The following EI24 variants were observed in gnomAD, a reference collection of about 807,000 sequenced individuals.
The protein encoded by EI24 is etoposide-induced protein 2.4 homolog.
In EI24, 21 loss-of-function variants were observed where a neutral mutation model predicts 48.6. The observed-to-expected ratio is 0.43, with a 90% CI of 0.31 to 0.62. The LOEUF is 0.62. Ranked by LOEUF, EI24 falls within the 20% of genes least tolerant of loss-of-function variation. EI24 has a pLI of 0.10. For synonymous variants in EI24, 114 were observed against 145.5 expected (o/e 0.78, Z 1.56); for missense variants, 280 against 410.5 (o/e 0.68, Z 2.75).
chr11:125,573,991 C>T (rs899525284), intron 2 of EI24, among the ~76,000 whole-genome samples: 1 of 152,030 alleles, frequency 6.6e-6, no homozygotes, highest in Non-Finnish European at 1.5e-5. Context: ...AGCATATGAT[C>T]TACTTTTAAC....
intron 1 of EI24, among the ~76,000 whole-genome samples, chr11:125,571,878 A>G (rs1301284978): frequency 6.6e-6 from 1 of 152,214 alleles, no homozygotes; most frequent in Non-Finnish European, 1.5e-5. Flanking sequence ...CTCTGTCTCA[A>G]AAAATAAAAT....
rs540569490 is a variant in EI24 at position 125,582,190 on chromosome 11, C to A, written c.786-156C>A. ...TCCAGCCTGGGCGACAAGAACGCGA[C>A]TCCATCTCAAAAAAAAAAATGTTTG... is the stretch of plus-strand genomic sequence containing the variant. On this transcript the variant is annotated intron_variant, in intron 9 of 10. Transcript: ENST00000278903. Among the ~76,000 whole-genome samples the A allele has an allele frequency of 2.6e-5, 4 of 151,494 alleles. No individual in the cohort carries two copies. The South Asian group carries it at 8.3e-4, about 31-fold the overall frequency.
At chr11:125,571,083 C>T (rs1425306137) in intron 1 of EI24, among the ~76,000 whole-genome samples, 3 of 152,202 alleles carry the variant, frequency 2.0e-5, no homozygotes, top group Non-Finnish European at 4.4e-5. Flanking sequence ...TTCCTACTGC[C>T]ATATCCCCTG....
Position 125,575,845 on chromosome 11 carries a change from G to A in EI24, c.189-410G>A, listed in dbSNP as rs545671683. On this transcript the variant is annotated intron_variant, in intron 3 of 10. Transcript: ENST00000278903. ...CACCAAGCTGTCACCTGAGATTGCCGTGGTGCAATCTCAGCTTACTGCAGC... is the reference window on the plus strand; with the variant it reads ...CACCAAGCTGTCACCTGAGATTGCCATGGTGCAATCTCAGCTTACTGCAGC... 19 of 364,618 alleles carry A rather than the reference G, an allele frequency of 5.2e-5. No individual in the cohort carries two copies. In the East Asian group the frequency reaches 9.3e-4, roughly 18 times the overall value. The allele number at this position is 364,618 out of a possible 1,614,324, so 22.6% of individuals were successfully genotyped here.
rs772631713 is a variant in EI24 at position 125,577,486 on chromosome 11, G to T, written c.250-18G>T. 9.3e-6 allele frequency: 15 copies of T among 1,607,882 alleles called. No homozygotes were observed. The highest frequency in any genetic ancestry group is 1.2e-5 in the Non-Finnish European group (14 of 1,177,508). The stretch of plus-strand genomic sequence containing the variant: ...AAGACTGGATTTTGATGTTTGCCTT[G>T]TTGCTTCTTTTCTTTAGTTCAGTCT... On this transcript the variant is annotated intron_variant, in intron 4 of 10. Coordinates refer to ENST00000278903, the MANE Select transcript of EI24 (RefSeq NM_004879.5).
At chr11:125,582,128 G>A (rs1939032588) in intron 9 of EI24, among the ~76,000 whole-genome samples, 1 of 151,924 alleles carries the variant, frequency 6.6e-6, no homozygotes, top group African/African-American at 2.4e-5. Context: ...AACACAGGAG[G>A]CGGAGGTTGC....
At chr11:125,572,017 C>T (rs1003116651) in intron 1 of EI24, among the ~76,000 whole-genome samples, 56 of 152,226 alleles carry the variant, frequency 3.7e-4, no homozygotes, top group African/African-American at 1.2e-3. Context: ...TTTTATCTTG[C>T]TCTTGTATTT....
At position 125,569,560 on chromosome 11, in the gene EI24, C is replaced by T. The variant is rs930136925; in HGVS notation, c.-84C>T. The T allele has an allele frequency of 2.7e-6, 1 of 371,498 alleles. No homozygotes were observed. The highest frequency in any genetic ancestry group is 4.8e-6 in the Non-Finnish European group (1 of 208,642). The allele number at this position is 371,498 out of a possible 1,614,324, so 23.0% of individuals were successfully genotyped here. On this transcript the variant is annotated 5_prime_UTR_variant, in exon 1 of 11. Transcript: ENST00000278903. ...GCTAGGGGCAGGGCCGGAGCCGCGG[C>T]GGCGGAGCTGTGGGTAGGTGCGGGC...
rs548587059 is a variant in EI24, at chr11:125,575,416, G to A, written c.188+8G>A. 123 of 1,567,160 alleles carry A rather than the reference G, an allele frequency of 7.8e-5. No individual in the cohort carries two copies. In the Middle Eastern group the frequency reaches 1.0e-3, roughly 13 times the overall value. On this transcript the variant is annotated splice_region_variant and intron_variant, in intron 3 of 10. Coordinates refer to ENST00000278903, the MANE Select transcript of EI24 (RefSeq NM_004879.5). ...AGAGCGGAAGCAAGAGAGGTAAGGA[G>A]TGCATGCCTGATATCAAAATGTCCA...
intron 4 of EI24, among the ~76,000 whole-genome samples, chr11:125,577,082 T>A (rs1487338460): frequency 6.6e-6 from 1 of 152,088 alleles, no homozygotes; most frequent in Non-Finnish European, 1.5e-5. Flanking sequence ...TCCTGATTTA[T>A]TTTATTTATT....
intron 2 of EI24, chr11:125,574,844 A>T (rs1938674046): frequency 6.5e-6 from 1 of 152,756 alleles, no homozygotes; most frequent in Non-Finnish European, 1.5e-5. Flanking sequence ...AAAACCTTTA[A>T]TGTAATTTTT....
intron 3 of EI24, 90 bp downstream of exon 3, chr11:125,575,498 G>A (rs494989): frequency 0.15 from 199,055 of 1,355,192 alleles, 15,698 homozygotes; most frequent in Middle Eastern, 0.26. Context: ...TATTTCTTTT[G>A]TGCTTTTTCC....
intron 10 of EI24, 93 bp downstream of exon 10, chr11:125,582,513 C>G: frequency 1.0e-6 from 1 of 954,990 alleles, no homozygotes; most frequent in Non-Finnish European, 1.5e-6. Context: ...AAAAAAAATT[C>G]TTACTGTAGG....
intron 10 of EI24, among the ~76,000 whole-genome samples, chr11:125,583,299 C>G (rs1437158089): frequency 6.6e-6 from 1 of 152,152 alleles, no homozygotes; most frequent in Non-Finnish European, 1.5e-5. Flanking sequence ...CTGCTTCAGC[C>G]TCCCAAAGTG....
intron 2 of EI24, among the ~76,000 whole-genome samples, chr11:125,572,872 G>T (rs1938584560): frequency 1.4e-5 from 2 of 141,062 alleles, no homozygotes; most frequent in African/African-American, 2.6e-5. Flanking sequence ...AATGTGTTTA[G>T]ATTTACAGAA....
rs1938445192 is a variant in EI24, at chr11:125,569,510, C to T, written c.-134C>T. 2 of 384,342 alleles carry T rather than the reference C, an allele frequency of 5.2e-6. No individual in the cohort carries two copies. Among genetic ancestry groups the T allele is most frequent in the Admixed American group, 4.5e-5 (1 of 22,158 alleles). The allele number at this position is 384,342 out of a possible 1,614,324, so 23.8% of individuals were successfully genotyped here. On this transcript the variant is annotated 5_prime_UTR_variant, in exon 1 of 11. Coordinates refer to ENST00000278903, the MANE Select transcript of EI24 (RefSeq NM_004879.5). Reference sequence around the variant, plus strand: ...CGCAGCGGCCCCGGCCCTGGAAGCGCCCCGGCGGAGCTGGCCTGCGGTGGG... The same window carrying T: ...CGCAGCGGCCCCGGCCCTGGAAGCGTCCCGGCGGAGCTGGCCTGCGGTGGG...
At chr11:125,577,405 TAA>T in intron 4 of EI24, 97 bp from the exon 5 acceptor site, 2 of 1,242,056 alleles carry the variant, frequency 1.6e-6, no homozygotes, top group Non-Finnish European at 2.3e-6. Flanking sequence ...TCCTGATTTA[TAA>T]AAGTCACTCC....
Position 125,582,321 on chromosome 11 carries a change from A to C in EI24, c.786-25A>C, listed in dbSNP as rs1296256644. 1.6e-5 allele frequency: 22 copies of C among 1,377,582 alleles called. No individual in the cohort carries two copies. The East Asian group carries it at 2.0e-4, about 13-fold the overall frequency. The allele number at this position is 1,377,582 out of a possible 1,614,324, so 85.3% of individuals were successfully genotyped here. A position where few individuals can be genotyped will look rare whatever the true frequency, so the allele number is the denominator to read the frequency against. On this transcript the variant is annotated intron_variant, in intron 9 of 10. Coordinates refer to ENST00000278903, the MANE Select transcript of EI24 (RefSeq NM_004879.5). The stretch of plus-strand genomic sequence containing the variant: ...ATGTCTGTTATGAAGGTGACTAATT[A>C]TTTCTTTTTTTTTTTTTTAAACAGT...
rs574269694 is a variant in EI24, at chr11:125,583,808, TTCTC to T, written c.*129_*132del. On this transcript the variant is annotated 3_prime_UTR_variant, in exon 11 of 11. Coordinates refer to ENST00000278903, the MANE Select transcript of EI24 (RefSeq NM_004879.5). ...TGCCAAGGGCCCTCTGCGTATTCCC[TTCTC>T]TCTGAGGAATTGAAATTTTTGTCTC... 8,619 of 1,343,118 alleles carry T rather than the reference TTCTC, an allele frequency of 6.4e-3. 39 individuals are homozygous for T. Among genetic ancestry groups the T allele is most frequent in the Middle Eastern group, 0.015 (76 of 4,960 alleles). The allele number at this position is 1,343,118 out of a possible 1,614,324, so 83.2% of individuals were successfully genotyped here.
Sources: allele counts gnomAD v4.1 joint callset (sites outside exome capture counted in the v4.1 genomes callset), GRCh38; gene constraint gnomAD v4.1.1; transcripts MANE v1.5; gene names NCBI Gene and HGNC (gene_info 2026-07-23, HGNC 2026-07-21).